Variants in SCAF8 observed in about 807,000 individuals in gnomAD.
SCAF8 encodes SR-related CTD associated factor 8, also known as SR-related and CTD-associated factor 8.
In SCAF8, 23 loss-of-function variants were observed where a neutral mutation model predicts 140.5. That is an observed-to-expected ratio of 0.16 (90% confidence interval 0.12 to 0.23). The LOEUF is 0.23. SCAF8 is among the 10% of genes least tolerant of loss of function. The pLI is 1.00. For synonymous variants in SCAF8, 575 were observed against 528.9 expected (o/e 1.09, Z -1.20); for missense variants, 1,397 against 1,555.7 (o/e 0.90, Z 1.72).
intron 4 of SCAF8, 101 bp downstream of exon 4, chr6:154,788,123 A>G (rs1777307424): frequency 3.0e-6 from 3 of 998,352 alleles, no homozygotes; most frequent in Non-Finnish European, 4.4e-6. Flanking sequence ...CATGTGCCAC[A>G]TAATGATGTT....
At chr6:154,764,328 AT>A (rs1776500894) in intron 1 of SCAF8, among the ~76,000 whole-genome samples, 1 of 143,166 alleles carries the variant, frequency 7.0e-6, no homozygotes, top group Non-Finnish European at 1.5e-5. Flanking sequence ...GTATATTTTC[AT>A]TGAAATGATA....
intron 1 of SCAF8, among the ~76,000 whole-genome samples, chr6:154,765,486 GT>G (rs1397468142): frequency 3.3e-5 from 5 of 152,184 alleles, no homozygotes; most frequent in Non-Finnish European, 7.4e-5. Flanking sequence ...ATAGAAAACA[GT>G]TTATTTTTGT....
In SCAF8 at chr6:154,806,510, C is replaced by CT. The variant is rs1777919025; in HGVS notation, c.981+1024_981+1025insT. ...GAAATGAGGTTGTGGCATCAGGTAA[C>CT]CTCTTCTCTAATGGAGCACGTACAT... On this transcript the variant is annotated intron_variant, in intron 9 of 19. Coordinates refer to ENST00000367178, the MANE Select transcript of SCAF8 (RefSeq NM_014892.5). 4.6e-5 allele frequency among the ~76,000 whole-genome samples: 7 copies of CT among 152,228 alleles called. No homozygotes were observed. The South Asian group carries it at 1.4e-3, about 32-fold the overall frequency.
chr6:154,750,479 A>G (rs1352970390), intron 1 of SCAF8, among the ~76,000 whole-genome samples: 1 of 152,070 alleles, frequency 6.6e-6, no homozygotes, highest in South Asian at 2.1e-4. Flanking sequence ...CCCCATCCCT[A>G]TCATGTTGGG....
At chr6:154,809,481 A>C (rs1047202874) in intron 11 of SCAF8, among the ~76,000 whole-genome samples, 4 of 152,206 alleles carry the variant, frequency 2.6e-5, no homozygotes, top group African/African-American at 9.7e-5. Context: ...AAGCATTAAC[A>C]ATCTTAATGC....
intron 1 of SCAF8, among the ~76,000 whole-genome samples, chr6:154,734,803 A>G (rs1434471580): frequency 1.3e-5 from 2 of 152,224 alleles, no homozygotes; most frequent in African/African-American, 2.4e-5. Context: ...CACAGTCAGC[A>G]TTAGTATCCC....
At chr6:154,798,131 C>G (rs1484202178) in intron 6 of SCAF8, among the ~76,000 whole-genome samples, 3 of 151,164 alleles carry the variant, frequency 2.0e-5, no homozygotes, top group Non-Finnish European at 4.4e-5. Context: ...CATTCTCGGG[C>G]CTCTGGAAGC....
rs1777566011 is a variant in SCAF8, at chr6:154,795,205, G to T, written c.606+66G>T. ...TAATATTTTCCTAATGTATTACTTT[G>T]TAACATACCACCTAGAGAATATGTG... On this transcript the variant is annotated intron_variant, in intron 6 of 19. Coordinates refer to ENST00000367178, the MANE Select transcript of SCAF8 (RefSeq NM_014892.5). The T allele has an allele frequency of 8.2e-6, 11 of 1,347,626 alleles. No individual in the cohort carries two copies. The South Asian group carries it at 8.9e-5, about 11-fold the overall frequency. 83.5% of individuals were successfully genotyped at this position (1,347,626 alleles called of 1,614,324 possible).
At chr6:154,814,990 A>G (rs1332982256) in intron 12 of SCAF8, among the ~76,000 whole-genome samples, 1 of 152,144 alleles carries the variant, frequency 6.6e-6, no homozygotes, top group African/African-American at 2.4e-5. Context: ...TCCTTCCAGT[A>G]CAGAAAGACG....
At chr6:154,805,976 G>A (rs1777902020) in intron 9 of SCAF8, among the ~76,000 whole-genome samples, 2 of 152,120 alleles carry the variant, frequency 1.3e-5, no homozygotes, top group South Asian at 4.1e-4. Flanking sequence ...TGGTAGGCTT[G>A]TATACATTTA....
rs779892887 is a variant in SCAF8, at chr6:154,795,090, A to G, written c.557A>G (p.Asp186Gly). 1 of 1,613,684 alleles carries G rather than the reference A, an allele frequency of 6.2e-7. No individual in the cohort carries two copies. The highest frequency in any genetic ancestry group is 1.1e-5 in the South Asian group (1 of 91,020). ...DPWVSQITNT[D>G]TLAAVAQILQ... The stretch of plus-strand genomic sequence containing the variant: ...TGGGTATCTCAGATAACAAATACAG[A>G]TACACTTGCGGCTGTAGCTCAGATC... The change falls in exon 6 of 20, where the codon GAT becomes GGT. Residue 186 changes from aspartate (D) to glycine (G), a missense_variant. Coordinates refer to ENST00000367178, the MANE Select transcript of SCAF8 (RefSeq NM_014892.5).
chr6:154,778,410 C>G (rs988888723), intron 3 of SCAF8, among the ~76,000 whole-genome samples: 2 of 152,054 alleles, frequency 1.3e-5, no homozygotes, highest in African/African-American at 4.8e-5. Context: ...AGTTAGTTAG[C>G]CTTTATGTCA....
chr6:154,757,031 A>C (rs139484355), intron 1 of SCAF8, among the ~76,000 whole-genome samples: 61 of 152,180 alleles, frequency 4.0e-4, no homozygotes, highest in African/African-American at 1.5e-3. Context: ...CTCAATAAAT[A>C]AATAAGTTGT....
intron 1 of SCAF8, among the ~76,000 whole-genome samples, chr6:154,746,984 A>G (rs1381683358): frequency 6.6e-6 from 1 of 152,230 alleles, no homozygotes; most frequent in Non-Finnish European, 1.5e-5. Context: ...TTTATTTAAC[A>G]TTCTTCAGAT....
rs1012620490 is a variant in SCAF8, at chr6:154,795,049, A to G, written c.516A>G (p.Gln172=). 2 of 1,613,096 alleles carry G rather than the reference A, an allele frequency of 1.2e-6. No homozygotes were observed. The highest frequency in any genetic ancestry group is 1.7e-5 in the Admixed American group (1 of 59,786). The change falls in exon 6 of 20, where the codon CAA becomes CAG. Residue 172 remains glutamine, a synonymous_variant. Coordinates refer to ENST00000367178, the MANE Select transcript of SCAF8 (RefSeq NM_014892.5). ...VTPVTPANVV[Q]GLPDPWVSQI... is the part of the protein sequence containing the mutation. The stretch of plus-strand genomic sequence containing the variant: ...CTGTTACTCCGGCCAATGTGGTCCA[A>G]GGCTTACCTGATCCGTGGGTATCTC...
rs1777558449 is a variant in SCAF8, at chr6:154,794,996, T to C, written c.476-13T>C. 6.3e-7 allele frequency: 1 copy of C among 1,585,076 alleles called. No individual in the cohort carries two copies. Among genetic ancestry groups the C allele is most frequent in the Non-Finnish European group, 8.5e-7 (1 of 1,170,672 alleles). ...ACATATTTATTTGGGGGGTGTGATG[T>C]TCTTTTTAAAAGGAACTCCTGTGAC... On this transcript the variant is annotated splice_polypyrimidine_tract_variant and intron_variant, in intron 5 of 19. Transcript: ENST00000367178.
intron 2 of SCAF8, among the ~76,000 whole-genome samples, chr6:154,774,823 G>A (rs374547784): frequency 1.3e-5 from 2 of 152,182 alleles, no homozygotes; most frequent in Admixed American, 6.5e-5. Flanking sequence ...AAACATATGC[G>A]CAAAATTTTA....
intron 1 of SCAF8, among the ~76,000 whole-genome samples, chr6:154,737,127 T>C (rs757352222): frequency 5.3e-5 from 8 of 152,246 alleles, no homozygotes; most frequent in Non-Finnish European, 8.8e-5. Flanking sequence ...CATTAAATTA[T>C]GTGTTACAAA....
chr6:154,791,157 C>T (rs1777408416), intron 4 of SCAF8, among the ~76,000 whole-genome samples: 1 of 152,136 alleles, frequency 6.6e-6, no homozygotes, highest in Non-Finnish European at 1.5e-5. Context: ...TATTTTTCTG[C>T]CTATTAAGTT....
Sources: allele counts gnomAD v4.1 joint callset (sites outside exome capture counted in the v4.1 genomes callset), GRCh38; gene constraint gnomAD v4.1.1; transcripts MANE v1.5; gene names NCBI Gene and HGNC (gene_info 2026-07-23, HGNC 2026-07-21).